The following STXBP5 variants were observed in gnomAD, a reference collection of about 807,000 sequenced individuals.
STXBP5 encodes syntaxin binding protein 5.
In STXBP5, 50 loss-of-function variants were observed where a neutral mutation model predicts 152.4. That is an observed-to-expected ratio of 0.33 (90% CI 0.26 to 0.42). The LOEUF is 0.42. STXBP5 is among the 10% of genes least tolerant of loss of function. STXBP5 has a pLI of 1.00. For missense variants in STXBP5, 1,167 were observed against 1,388.6 expected (o/e 0.84, Z 2.54); for synonymous variants, 492 against 494.7 (o/e 0.99, Z 0.07).
chr6:147,324,582 G>A (rs1009509698), intron 16 of STXBP5, among the ~76,000 whole-genome samples: 1 of 151,818 alleles, frequency 6.6e-6, no homozygotes, highest in African/African-American at 2.4e-5. Flanking sequence ...TTTTAAACCT[G>A]CTTTTCTAAC....
chr6:147,324,249 TG>T (rs1783090530), intron 16 of STXBP5, among the ~76,000 whole-genome samples: 1 of 141,834 alleles, frequency 7.1e-6, no homozygotes, highest in Non-Finnish European at 1.5e-5. Context: ...TTAAGTTTTG[TG>T]GGGTTTTTTT....
chr6:147,361,323 C>T (rs1023272525), intron 23 of STXBP5, among the ~76,000 whole-genome samples: 1 of 152,070 alleles, frequency 6.6e-6, no homozygotes, highest in Non-Finnish European at 1.5e-5. Flanking sequence ...GTTAACTACA[C>T]AAAAAGTATT....
chr6:147,277,433 A>C (rs1018606164), intron 7 of STXBP5, among the ~76,000 whole-genome samples: 19 of 152,226 alleles, frequency 1.2e-4, no homozygotes, highest in African/African-American at 4.3e-4. Flanking sequence ...TTACATACCA[A>C]AATTGAAATA....
rs116277973 is a variant in STXBP5, at chr6:147,353,330, G to A, written c.2262G>A (p.Met754Ile). The A allele has an allele frequency of 1.5e-3, 2,297 of 1,579,234 alleles. 36 individuals carry two copies. In the African/African-American group the frequency reaches 0.028, roughly 19 times the overall value. Reference protein sequence around the residue: ...SKMVANDIAKMSRKLSLPTDL... With the variant: ...SKMVANDIAKISRKLSLPTDL... ...ATGTCTTTTATTTTTCAGCAAAGAT[G>A]TCAAGGAAGTTAAGCTTACCTACTG... The change falls in exon 22 of 28, where the codon ATG (methionine) becomes ATA (isoleucine). Residue 754 changes from methionine (M) to isoleucine (I), a missense_variant. Physicochemically the swap from Met to Ile is conservative, Grantham distance 10. Coordinates refer to ENST00000321680, the MANE Select transcript of STXBP5 (RefSeq NM_001127715.4).
intron 2 of STXBP5, among the ~76,000 whole-genome samples, chr6:147,211,531 G>T (rs780920907): frequency 6.6e-6 from 1 of 152,050 alleles, no homozygotes; most frequent in Admixed American, 6.6e-5. Context: ...AAATGGAAAT[G>T]ATTTTCATTT....
intron 4 of STXBP5, among the ~76,000 whole-genome samples, chr6:147,250,643 T>C (rs1779038686): frequency 6.6e-6 from 1 of 152,104 alleles, no homozygotes; most frequent in African/African-American, 2.4e-5. Flanking sequence ...ATCCCACCTC[T>C]GCATGCTGGG....
At position 147,363,319 on chromosome 6, in the gene STXBP5, G is replaced by A; in HGVS notation, c.2546-16G>A. 1.3e-6 allele frequency: 2 copies of A among 1,543,432 alleles called. No individual in the cohort carries two copies. Among genetic ancestry groups the A allele is most frequent in the South Asian group, 1.3e-5 (1 of 78,794 alleles). ...ATTAAAATATTTCAGTTATTTACTA[G>A]ACTTCTATATTTTAGGTACTATATT... On this transcript the variant is annotated splice_polypyrimidine_tract_variant and intron_variant, in intron 23 of 27. Coordinates refer to ENST00000321680, the MANE Select transcript of STXBP5 (RefSeq NM_001127715.4).
chr6:147,260,198 C>T (rs1339194489), intron 4 of STXBP5, among the ~76,000 whole-genome samples: 1 of 152,012 alleles, frequency 6.6e-6, no homozygotes, highest in African/African-American at 2.4e-5. Context: ...TGCATTTTGC[C>T]TGGAAGGAGT....
At chr6:147,306,838 C>G (rs894476922) in intron 9 of STXBP5, among the ~76,000 whole-genome samples, 2 of 152,222 alleles carry the variant, frequency 1.3e-5, no homozygotes, top group Non-Finnish European at 2.9e-5. Flanking sequence ...TGCTGTCTCA[C>G]TATCGCTCCT....
At chr6:147,216,516 C>G (rs1163601577) in intron 2 of STXBP5, among the ~76,000 whole-genome samples, 2 of 152,076 alleles carry the variant, frequency 1.3e-5, no homozygotes, top group African/African-American at 2.4e-5. Flanking sequence ...ATGGTAATTT[C>G]ATTGGAAACT....
At chr6:147,252,309 T>A (rs1779136692) in intron 4 of STXBP5, among the ~76,000 whole-genome samples, 4 of 151,918 alleles carry the variant, frequency 2.6e-5, no homozygotes, top group Admixed American at 2.6e-4. Context: ...TCTAACCCAA[T>A]GCAAGGAAGC....
At chr6:147,244,333 G>A (rs1047376167) in intron 4 of STXBP5, among the ~76,000 whole-genome samples, 2 of 152,188 alleles carry the variant, frequency 1.3e-5, no homozygotes, top group Non-Finnish European at 2.9e-5. Context: ...GATGGGTAGT[G>A]TCAGCCCTCC....
intron 17 of STXBP5, among the ~76,000 whole-genome samples, chr6:147,325,819 T>C (rs1297580601): frequency 1.3e-5 from 2 of 152,162 alleles, no homozygotes; most frequent in Non-Finnish European, 2.9e-5. Flanking sequence ...CTCTTGCAGC[T>C]GTACAGTTAG....
chr6:147,239,305 ATTT>A, intron 4 of STXBP5, 35 bp downstream of exon 4: 1 of 1,555,432 alleles, frequency 6.4e-7, no homozygotes, highest in Non-Finnish European at 8.8e-7. Context: ...TGTATAGGAT[ATTT>A]ACTATTATAT....
intron 8 of STXBP5, among the ~76,000 whole-genome samples, chr6:147,282,111 A>C (rs1780729933): frequency 6.6e-6 from 1 of 152,202 alleles, no homozygotes; most frequent in Admixed American, 6.5e-5. Context: ...CTATTCATAT[A>C]TGGCTCTAGG....
chr6:147,274,612 T>C (rs1357337041), intron 7 of STXBP5, among the ~76,000 whole-genome samples: 1 of 152,160 alleles, frequency 6.6e-6, no homozygotes, highest in African/African-American at 2.4e-5. Context: ...AAATCATATG[T>C]GCTATAAGCA....
intron 21 of STXBP5, among the ~76,000 whole-genome samples, chr6:147,346,562 A>G (rs1784340728): frequency 1.3e-5 from 2 of 151,912 alleles, no homozygotes; most frequent in Admixed American, 6.6e-5. Flanking sequence ...AACATGGTAA[A>G]CCCCGTCCCT....
At chr6:147,212,265 C>T (rs987711610) in intron 2 of STXBP5, among the ~76,000 whole-genome samples, 1 of 152,124 alleles carries the variant, frequency 6.6e-6, no homozygotes, top group African/African-American at 2.4e-5. Context: ...GATTCAAGTC[C>T]GTGCTTTGTA....
intron 4 of STXBP5, among the ~76,000 whole-genome samples, chr6:147,241,500 C>T (rs1778540476): frequency 6.6e-6 from 1 of 152,050 alleles, no homozygotes; most frequent in Non-Finnish European, 1.5e-5. Flanking sequence ...TTGCTTTTTC[C>T]AAAATGTCAT....
Sources: gnomAD v4.1 joint callset for allele counts (sites outside exome capture counted in the v4.1 genomes callset) on GRCh38, gnomAD v4.1.1 for gene constraint, MANE v1.5 for transcripts, NCBI Gene and HGNC (gene_info 2026-07-23, HGNC 2026-07-21) for gene names.